SETX: variants seen among roughly 807,000 people sequenced by gnomAD.
SETX encodes the protein senataxin.
In SETX, 90 loss-of-function variants were observed where a neutral mutation model predicts 227.2. The ratio of observed to expected loss-of-function variants is 0.40; its 90% CI spans 0.33 to 0.47. The LOEUF is 0.47. Ranked by LOEUF, SETX falls within the 20% of genes least tolerant of loss-of-function variation. The pLI, the probability that SETX is intolerant of heterozygous loss-of-function variation, is 0.91. For synonymous variants in SETX, 1,210 were observed against 1,113.2 expected (o/e 1.09, Z -1.73); for missense variants, 3,052 against 3,181.5 (o/e 0.96, Z 0.98).
intron 11 of SETX, among the ~76,000 whole-genome samples, chr9:132,303,400 T>C (rs896567514): frequency 7.6e-6 from 1 of 132,186 alleles, no homozygotes. Flanking sequence ...AAAATTGAAA[T>C]GGTCATCAAC....
chr9:132,278,455 T>A (rs1228381624), intron 20 of SETX, among the ~76,000 whole-genome samples, 198 bp from the exon 21 acceptor site: 3 of 86,130 alleles, frequency 3.5e-5, no homozygotes, highest in African/African-American at 1.4e-4. Context: ...TTTTTTTTTT[T>A]TTTTTTTTTT....
chr9:132,272,518 T>C (rs558885983), intron 23 of SETX, among the ~76,000 whole-genome samples: 2 of 151,452 alleles, frequency 1.3e-5, no homozygotes, highest in African/African-American at 4.8e-5. Flanking sequence ...TCTCACTGCG[T>C]TGCCCAGGCT....
rs145164385 is a variant in SETX at position 132,329,107 on chromosome 9, C to T, written c.2491G>A (p.Val831Ile). 15 of 1,609,798 alleles carry T rather than the reference C, an allele frequency of 9.3e-6. No individual in the cohort carries two copies. The highest frequency in any genetic ancestry group is 1.3e-5 in the Non-Finnish European group (15 of 1,179,314). The change falls in exon 10 of 26, where the codon GTT becomes ATT. Residue 831 changes from valine (V) to isoleucine (I), a missense_variant. This residue lies in a region of SETX where 1,483 missense variants were observed against 1,312.0 expected (regional missense o/e 1.13). Transcript: ENST00000224140. ...ESFYSRKDTG[V>I]QKGDGFIHNL... ...TGTATGAAACCATCTCCTTTCTGAA[C>T]TCCTGTATCTTTCCTTGAATAGAAA...
At chr9:132,307,678 ATTT>A (rs535908148) in intron 11 of SETX, among the ~76,000 whole-genome samples, 6 of 135,428 alleles carry the variant, frequency 4.4e-5, no homozygotes, top group Admixed American at 7.4e-5. Flanking sequence ...CTTACTAGTG[ATTT>A]TTTTTTTTTT....
intron 10 of SETX, among the ~76,000 whole-genome samples, chr9:132,312,931 ATGC>A (rs1421871578): frequency 1.1e-4 from 16 of 152,236 alleles, no homozygotes; most frequent in Admixed American, 9.8e-4. Context: ...CTATTAATAC[ATGC>A]TACAAGGATA....
Position 132,288,272 on chromosome 9 carries a change from C to A in SETX, c.6288G>T (p.Arg2096=), listed in dbSNP as rs1363534647. 2 of 1,614,198 alleles carry A rather than the reference C, an allele frequency of 1.2e-6. No individual in the cohort carries two copies. The highest frequency in any genetic ancestry group is 2.2e-5 in the South Asian group (2 of 91,086). The change falls in exon 17 of 26, where the codon CGG becomes CGT. Residue 2096 remains arginine, a synonymous_variant. Coordinates refer to ENST00000224140, the MANE Select transcript of SETX (RefSeq NM_015046.7). The stretch of plus-strand genomic sequence containing the variant: ...GTCCACCTCGGCATAGAGCTCGCTG[C>A]CGGGAAAGCTCATCCAGCTGATAAT... The part of the protein sequence containing the change: ...FLDYQLDELS[R]QRALCRGGRE...
chr9:132,295,839 AAAAC>A, intron 15 of SETX, 29 bp downstream of exon 15: 1 of 1,600,700 alleles, frequency 6.2e-7, no homozygotes, highest in Non-Finnish European at 8.5e-7. Context: ...ACTGAAAACA[AAAAC>A]AAATTTAAAA....
intron 12 of SETX, among the ~76,000 whole-genome samples, chr9:132,299,631 A>G (rs531351613): frequency 6.6e-6 from 1 of 152,362 alleles, no homozygotes; most frequent in Admixed American, 6.5e-5. Context: ...TAAGACTAAA[A>G]AAGTTGCAAT....
At chr9:132,324,187 A>T (rs1564533433) in intron 10 of SETX, among the ~76,000 whole-genome samples, 2 of 151,924 alleles carry the variant, frequency 1.3e-5, no homozygotes, top group Admixed American at 6.6e-5. Flanking sequence ...AGGGTTATGA[A>T]TGGCTTCTAA....
At position 132,326,918 on chromosome 9, in the gene SETX, G is replaced by GT. The variant is rs746973259; in HGVS notation, c.4679dup (p.Asn1560LysfsTer4). On this transcript the variant is annotated frameshift_variant, in exon 10 of 26. Coordinates refer to ENST00000224140, the MANE Select transcript of SETX (RefSeq NM_015046.7). LOFTEE classifies it high-confidence loss of function. ...AGTGTTTTGGGCAGTATTCACCCTG[G>GT]TTTTTTGTGGTTTCAAGACAATCTT... The GT allele has an allele frequency of 1.2e-6, 2 of 1,614,122 alleles. No individual in the cohort carries two copies. Among genetic ancestry groups the GT allele is most frequent in the South Asian group, 1.1e-5 (1 of 91,086 alleles).
intron 1 of SETX, among the ~76,000 whole-genome samples, chr9:132,354,682 G>T (rs564078377): frequency 6.6e-6 from 1 of 151,852 alleles, no homozygotes; most frequent in Non-Finnish European, 1.5e-5. Flanking sequence ...CGGAAGGACA[G>T]GGGGTCGCAG....
chr9:132,284,394 T>C (rs1360094521), intron 18 of SETX, among the ~76,000 whole-genome samples: 1 of 152,224 alleles, frequency 6.6e-6, no homozygotes, highest in African/African-American at 2.4e-5. Flanking sequence ...AATGAAAATA[T>C]GCATTAAATT....
chr9:132,351,893 A>G (rs1848623048), intron 2 of SETX, among the ~76,000 whole-genome samples: 1 of 152,220 alleles, frequency 6.6e-6, no homozygotes, highest in Admixed American at 6.5e-5. Context: ...CCAAAATTAA[A>G]GCAACTCTCT....
intron 2 of SETX, among the ~76,000 whole-genome samples, chr9:132,351,974 G>A (rs1043608106): frequency 6.6e-6 from 1 of 152,196 alleles, no homozygotes; most frequent in Non-Finnish European, 1.5e-5. Flanking sequence ...AGGTATTACT[G>A]TAATTTTCTA....
intron 10 of SETX, among the ~76,000 whole-genome samples, chr9:132,316,808 G>A (rs1027470208): frequency 3.3e-5 from 5 of 152,146 alleles, no homozygotes; most frequent in Admixed American, 6.5e-5. Context: ...TGCCACTCTC[G>A]TATGTGTCTA....
In SETX at chr9:132,331,440, C is replaced by T; in HGVS notation, c.847G>A (p.Val283Met). 6.2e-7 allele frequency: 1 copy of T among 1,613,906 alleles called. No homozygotes were observed. Among genetic ancestry groups the T allele is most frequent in the Non-Finnish European group, 8.5e-7 (1 of 1,179,936 alleles). Reference protein sequence around the residue: ...TMEREADDDSVDPFWPALHCF... With the variant: ...TMEREADDDSMDPFWPALHCF... ...TGTAACGCTGGCCAGAAAGGATCCACACTATCATCTGAAATACAATGGCAC... is the reference window on the plus strand; with the variant it reads ...TGTAACGCTGGCCAGAAAGGATCCATACTATCATCTGAAATACAATGGCAC... Residue 283 changes from valine (V) to methionine (M), a missense_variant, in exon 8 of 26, where the codon GTG becomes ATG. Transcript: ENST00000224140.
intron 5 of SETX, among the ~76,000 whole-genome samples, chr9:132,340,113 G>C (rs901183275): frequency 6.6e-6 from 1 of 151,954 alleles, no homozygotes; most frequent in African/African-American, 2.4e-5. Flanking sequence ...TGTACCCACT[G>C]TATTATCTAT....
Position 132,278,104 on chromosome 9 carries a change from T to G in SETX, c.6808A>C (p.Asn2270His), listed in dbSNP as rs1843272035. 2.5e-6 allele frequency: 4 copies of G among 1,614,078 alleles called. No homozygotes were observed. The highest frequency in any genetic ancestry group is 2.5e-6 in the Non-Finnish European group (3 of 1,179,956). Residue 2270 changes from asparagine to histidine, a missense_variant, in exon 21 of 26, where the codon AAT becomes CAT. By Grantham distance (68) the Asn-to-His change is moderately conservative (BLOSUM62 1). This residue lies in a region of SETX where 412 missense variants were observed against 589.0 expected (regional missense o/e 0.70). Coordinates refer to ENST00000224140, the MANE Select transcript of SETX (RefSeq NM_015046.7). Reference sequence around the variant, plus strand: ...TTTAAGTTTCTGTTATAAACATAATTAGAAGGGAAGAGGCATATGTCTGGA... The same window carrying G: ...TTTAAGTTTCTGTTATAAACATAATGAGAAGGGAAGAGGCATATGTCTGGA... The part of the protein sequence containing the change: ...MHPDICLFPS[N>H]YVYNRNLKTN...
intron 20 of SETX, among the ~76,000 whole-genome samples, chr9:132,278,962 A>G (rs138481061): frequency 6.6e-5 from 10 of 152,348 alleles, no homozygotes; most frequent in Admixed American, 5.2e-4. Flanking sequence ...AGTGAAGGAA[A>G]CAGACTCGAC....
Sources: allele counts gnomAD v4.1 joint callset (sites outside exome capture counted in the v4.1 genomes callset), GRCh38; gene constraint gnomAD v4.1.1; regional missense constraint gnomAD v4.1.1; transcripts MANE v1.5; gene names NCBI Gene and HGNC (gene_info 2026-07-23, HGNC 2026-07-21).